MACROD2: variants seen among roughly 807,000 people sequenced by gnomAD.
MACROD2 encodes ADP-ribose glycohydrolase MACROD2.
Under a neutral mutation model 70.4 loss-of-function variants are expected in MACROD2, and 36 were observed. The observed-to-expected ratio is 0.51, with a 90% CI of 0.39 to 0.68. MACROD2 has a LOEUF of 0.68. MACROD2 is among the 30% of genes least tolerant of loss of function. MACROD2 has a pLI of 0.00. For synonymous variants in MACROD2, 172 were observed against 178.8 expected, an observed-to-expected ratio of 0.96 and a Z score of 0.30; for missense variants, 496 against 538.4, an observed-to-expected ratio of 0.92 and a Z score of 0.78.
chr20:15,760,469 A>G (rs771688302), intron 8 of MACROD2, among the ~76,000 whole-genome samples: 2 of 152,096 alleles, frequency 1.3e-5, no homozygotes, highest in Non-Finnish European at 2.9e-5. Context: ...TGCAGGAAAC[A>G]TTTCTGGGAT....
chr20:15,680,995 G>T (rs532025481), intron 8 of MACROD2, among the ~76,000 whole-genome samples: 2 of 152,156 alleles, frequency 1.3e-5, no homozygotes, highest in South Asian at 4.1e-4. Flanking sequence ...TCCATTTTTA[G>T]GAGAAAGAAA....
At position 14,986,600 on chromosome 20, in the gene MACROD2, A is replaced by G. The variant is rs570532040; in HGVS notation, c.419-243340A>G. The stretch of plus-strand genomic sequence containing the variant: ...CCACAAATGATTCCTCACCTTAGGT[A>G]TTTATGAAAAAGCTCTGATAAACTT... On this transcript the variant is annotated intron_variant, in intron 5 of 17. Coordinates refer to ENST00000684519, the MANE Select transcript of MACROD2 (RefSeq NM_001351661.2). 1.6e-4 allele frequency among the ~76,000 whole-genome samples: 25 copies of G among 152,356 alleles called. No homozygotes were observed. The South Asian group carries it at 1.7e-3, about 10-fold the overall frequency.
At chr20:15,233,940 A>G in intron 6 of MACROD2, among the ~76,000 whole-genome samples, 1 of 126,444 alleles carries the variant, frequency 7.9e-6, no homozygotes, top group Non-Finnish European at 1.6e-5. Context: ...TTTAACCATG[A>G]GTTACCCTTG....
intron 5 of MACROD2, among the ~76,000 whole-genome samples, chr20:14,761,869 G>C (rs2072020104): frequency 6.6e-6 from 1 of 152,126 alleles, no homozygotes; most frequent in Non-Finnish European, 1.5e-5. Context: ...ATATTGGAAA[G>C]AAATGTTGTC....
At chr20:15,478,553 C>T (rs202204100) in intron 7 of MACROD2, among the ~76,000 whole-genome samples, 2 of 150,172 alleles carry the variant, frequency 1.3e-5, no homozygotes, top group African/African-American at 4.9e-5. Context: ...GTGTGTGTGT[C>T]TGTGTGTGTG....
intron 6 of MACROD2, among the ~76,000 whole-genome samples, chr20:15,354,087 C>T (rs1020236262): frequency 8.5e-4 from 128 of 151,276 alleles, no homozygotes; most frequent in African/African-American, 3.0e-3. Context: ...ATAGCAAAGA[C>T]TTGGAACCAA....
At chr20:14,954,403 C>A (rs972925830) in intron 5 of MACROD2, among the ~76,000 whole-genome samples, 1 of 149,594 alleles carries the variant, frequency 6.7e-6, no homozygotes, top group Non-Finnish European at 1.5e-5. Context: ...CTGGGTGAAC[C>A]TGAACACGGT....
chr20:15,647,622 T>A (rs1432302021), intron 8 of MACROD2, among the ~76,000 whole-genome samples: 2 of 152,202 alleles, frequency 1.3e-5, no homozygotes, highest in Non-Finnish European at 2.9e-5. Flanking sequence ...GAAATATAAT[T>A]CTTGTGGGAA....
chr20:15,353,548 G>C (rs1015550595), intron 6 of MACROD2, among the ~76,000 whole-genome samples: 7 of 152,006 alleles, frequency 4.6e-5, no homozygotes, highest in African/African-American at 9.7e-5. Flanking sequence ...AAAGAAACTA[G>C]CATCACAGTG....
At chr20:15,292,902 C>A (rs2077553825) in intron 6 of MACROD2, among the ~76,000 whole-genome samples, 1 of 151,824 alleles carries the variant, frequency 6.6e-6, no homozygotes, top group Admixed American at 6.6e-5. Flanking sequence ...GAATTTTAAT[C>A]TCATCAAATT....
At chr20:15,698,973 CCTTTA>C (rs2050415763) in intron 8 of MACROD2, among the ~76,000 whole-genome samples, 4 of 152,068 alleles carry the variant, frequency 2.6e-5, no homozygotes, top group African/African-American at 9.7e-5. Flanking sequence ...AATATTTCTC[CCTTTA>C]CTTCTTGTAT....
At position 15,823,576 on chromosome 20, in the gene MACROD2, T is replaced by G. The variant is rs182479581; in HGVS notation, c.646-39169T>G. Reference sequence around the variant, plus strand: ...TTTTGAAAGCAGGAAAAAAAGAGATTTACATTAAATAGCGGTCATCACGGC... The same window carrying G: ...TTTTGAAAGCAGGAAAAAAAGAGATGTACATTAAATAGCGGTCATCACGGC... On this transcript the variant is annotated intron_variant, in intron 8 of 17. Coordinates refer to ENST00000684519, the MANE Select transcript of MACROD2 (RefSeq NM_001351661.2). Among the ~76,000 whole-genome samples the G allele has an allele frequency of 2.5e-3, 376 of 152,232 alleles. 2 individuals are homozygous for G. Among genetic ancestry groups the G allele is most frequent in the African/African-American group, 8.5e-3 (352 of 41,546 alleles).
chr20:15,023,815 G>A (rs757814397), intron 5 of MACROD2, among the ~76,000 whole-genome samples: 8 of 152,022 alleles, frequency 5.3e-5, no homozygotes, highest in Non-Finnish European at 1.0e-4. Flanking sequence ...ATTTGGGTGG[G>A]AACACAGCCA....
In MACROD2 at chr20:14,610,630, A is replaced by G. The variant is rs571754054; in HGVS notation, c.302-74213A>G. Among the ~76,000 whole-genome samples the G allele has an allele frequency of 4.5e-4, 69 of 152,134 alleles. No individual in the cohort carries two copies. The Middle Eastern group carries it at 0.017, about 37-fold the overall frequency. ...ATATTGTATTTGGGTTGAAATACAT[A>G]TTTTCTTTTTACTATTATCTATTTT... On this transcript the variant is annotated intron_variant, in intron 4 of 17. Transcript: ENST00000684519.
At chr20:14,551,286 T>C (rs1365574320) in intron 4 of MACROD2, among the ~76,000 whole-genome samples, 2 of 152,204 alleles carry the variant, frequency 1.3e-5, no homozygotes. Flanking sequence ...TTAAATCAAC[T>C]TGTGCTTCAA....
chr20:15,464,967 GGAGACC>G (rs2046866032), intron 7 of MACROD2, among the ~76,000 whole-genome samples: 1 of 152,074 alleles, frequency 6.6e-6, no homozygotes, highest in Non-Finnish European at 1.5e-5. Context: ...TCCCGTGGAG[GGAGACC>G]TGATTTGATT....
chr20:15,667,310 A>G (rs937449267), intron 8 of MACROD2, among the ~76,000 whole-genome samples: 6 of 152,142 alleles, frequency 3.9e-5, no homozygotes, highest in Non-Finnish European at 5.9e-5. Flanking sequence ...CGCTGTGAGT[A>G]AAATCTCCCT....
intron 15 of MACROD2, among the ~76,000 whole-genome samples, chr20:16,006,540 T>C (rs2066790816): frequency 6.6e-6 from 1 of 152,120 alleles, no homozygotes; most frequent in Non-Finnish European, 1.5e-5. Context: ...GCCCAAGCCC[T>C]TTTTCCCCAT....
intron 6 of MACROD2, among the ~76,000 whole-genome samples, chr20:15,309,039 G>A (rs865779955): frequency 7.2e-5 from 11 of 152,012 alleles, no homozygotes; most frequent in Non-Finnish European, 1.0e-4. Flanking sequence ...GGTAACAGGC[G>A]TACCCATTAA....
Sources: allele counts gnomAD v4.1 joint callset (sites outside exome capture counted in the v4.1 genomes callset), GRCh38; gene constraint gnomAD v4.1.1; transcripts MANE v1.5; gene names NCBI Gene and HGNC (gene_info 2026-07-23, HGNC 2026-07-21).